HMBOX1: variants seen among roughly 807,000 people sequenced by gnomAD.
HMBOX1 encodes homeobox-containing protein 1.
A neutral mutation model predicts 54.5 loss-of-function variants in HMBOX1; 14 were observed. The observed-to-expected ratio is 0.26, with a 90% confidence interval of 0.17 to 0.40. HMBOX1 has a LOEUF of 0.40. Among genes scored for constraint, HMBOX1 ranks in the 10% least tolerant of loss-of-function variants. The probability of loss-of-function intolerance (pLI) is 1.00; values close to 1 mark genes in which losing one functional copy is unlikely to be tolerated. For synonymous variants in HMBOX1, 160 were observed against 181.0 expected (o/e 0.88, Z 0.93); for missense variants, 332 against 514.4 (o/e 0.65, Z 3.43).
At chr8:29,019,229 C>CT (rs1219647993) in intron 6 of HMBOX1, among the ~76,000 whole-genome samples, 3 of 152,154 alleles carry the variant, frequency 2.0e-5, no homozygotes, top group African/African-American at 7.2e-5. Context: ...TTGAAGTCTT[C>CT]TTTTCATCAA....
At chr8:29,046,767 G>A (rs775748973) in intron 7 of HMBOX1, among the ~76,000 whole-genome samples, 6 of 152,192 alleles carry the variant, frequency 3.9e-5, no homozygotes, top group Non-Finnish European at 7.3e-5. Flanking sequence ...GATCGCCTGA[G>A]CCCAGGAGTT....
chr8:29,005,571 C>T (rs144954316), intron 4 of HMBOX1, among the ~76,000 whole-genome samples: 21 of 152,004 alleles, frequency 1.4e-4, no homozygotes, highest in East Asian at 7.7e-4. Flanking sequence ...ATTTTTGGGG[C>T]GACTTTTTAA....
At chr8:28,990,950 G>A (rs1377178116) in intron 4 of HMBOX1, among the ~76,000 whole-genome samples, 2 of 152,012 alleles carry the variant, frequency 1.3e-5, no homozygotes, top group African/African-American at 4.8e-5. Flanking sequence ...TGCTGTGCCC[G>A]GCTCTTTCTA....
intron 1 of HMBOX1, among the ~76,000 whole-genome samples, chr8:28,950,151 C>T (rs1456848662): frequency 2.0e-5 from 3 of 152,150 alleles, no homozygotes; most frequent in Non-Finnish European, 2.9e-5. Flanking sequence ...CTATTTTACC[C>T]AGGAGATATG....
At chr8:29,046,785 A>G (rs189448447) in intron 7 of HMBOX1, among the ~76,000 whole-genome samples, 1 of 152,104 alleles carries the variant, frequency 6.6e-6, no homozygotes, top group African/African-American at 2.4e-5. Context: ...GTTGGAGGCT[A>G]CCCTGGGCAA....
chr8:28,926,971 A>G (rs1055550098), intron 1 of HMBOX1, among the ~76,000 whole-genome samples: 2 of 152,222 alleles, frequency 1.3e-5, no homozygotes, highest in African/African-American at 4.8e-5. Context: ...TTGGATGATT[A>G]CCAGAGGCTG....
intron 4 of HMBOX1, among the ~76,000 whole-genome samples, chr8:28,985,802 TAAAC>T (rs997825930): frequency 6.6e-6 from 1 of 151,962 alleles, no homozygotes; most frequent in Non-Finnish European, 1.5e-5. Flanking sequence ...TAAGAAAAAA[TAAAC>T]AACAACAACC....
chr8:28,993,708 A>G (rs1003666366), intron 4 of HMBOX1, among the ~76,000 whole-genome samples: 7 of 152,226 alleles, frequency 4.6e-5, no homozygotes, highest in African/African-American at 1.4e-4. Context: ...CACAGACTCA[A>G]CAATAATCTG....
intron 6 of HMBOX1, among the ~76,000 whole-genome samples, chr8:29,034,250 C>T (rs1803471239): frequency 6.6e-6 from 1 of 152,242 alleles, no homozygotes; most frequent in Admixed American, 6.5e-5. Context: ...TTAGAGTATA[C>T]TTTGAAAACC....
intron 8 of HMBOX1, 22 bp downstream of exon 8, chr8:29,047,475 T>G: frequency 7.9e-7 from 1 of 1,259,102 alleles, no homozygotes; most frequent in South Asian, 1.2e-5. Context: ...GTGAGGCTGC[T>G]TTTCTCTTGT....
chr8:28,957,497 A>G (rs918848299), intron 1 of HMBOX1, among the ~76,000 whole-genome samples: 6 of 152,204 alleles, frequency 3.9e-5, no homozygotes, highest in African/African-American at 1.4e-4. Flanking sequence ...GTTGTACCCC[A>G]AATCTCAGCA....
chr8:28,976,709 C>CTTTTTTTTTTTTTTTTTTTTTTT (rs749880362), intron 3 of HMBOX1, among the ~76,000 whole-genome samples: 1 of 135,808 alleles, frequency 7.4e-6, no homozygotes, highest in African/African-American at 2.7e-5. Context: ...TCTTTTTTTT[C>CTTTTTTTTTTTTTTTTTTTTTTT]TTTTTTTTTT....
intron 6 of HMBOX1, among the ~76,000 whole-genome samples, chr8:29,028,681 G>T (rs1802443912): frequency 6.6e-6 from 1 of 152,150 alleles, no homozygotes. Context: ...ACCCTGACCT[G>T]CAAAGAACAT....
chr8:28,999,118 T>G (rs1046092518), intron 4 of HMBOX1, among the ~76,000 whole-genome samples: 3 of 152,192 alleles, frequency 2.0e-5, no homozygotes, highest in Admixed American at 6.5e-5. Flanking sequence ...CTGCTTAATG[T>G]CCTTTCCTTT....
chr8:28,963,742 A>G, intron 1 of HMBOX1, 69 bp from the exon 2 acceptor site: 2 of 646,060 alleles, frequency 3.1e-6, no homozygotes, highest in Non-Finnish European at 2.6e-6. Flanking sequence ...CATCAGTTAC[A>G]TAATTAAAAT....
intron 1 of HMBOX1, among the ~76,000 whole-genome samples, chr8:28,948,244 A>AT (rs35633492): frequency 2.0e-5 from 3 of 152,090 alleles, no homozygotes; most frequent in South Asian, 4.2e-4. Flanking sequence ...CTGAAAATAC[A>AT]TTTTTTTACC....
intron 2 of HMBOX1, among the ~76,000 whole-genome samples, chr8:28,966,724 T>G (rs1340884717): frequency 1.3e-5 from 2 of 152,228 alleles, no homozygotes; most frequent in African/African-American, 4.8e-5. Flanking sequence ...TAAAATATTG[T>G]ATCTTCAGTG....
At chr8:29,038,684 C>G (rs1804322346) in intron 6 of HMBOX1, among the ~76,000 whole-genome samples, 1 of 152,158 alleles carries the variant, frequency 6.6e-6, no homozygotes, top group African/African-American at 2.4e-5. Flanking sequence ...CTCACCTTTC[C>G]TTTCTATGTC....
intron 2 of HMBOX1, among the ~76,000 whole-genome samples, chr8:28,966,126 A>T (rs1826394889): frequency 6.6e-6 from 1 of 152,148 alleles, no homozygotes; most frequent in Non-Finnish European, 1.5e-5. Context: ...GAATGCTTTA[A>T]TCTTCTTTGC....
Sources: allele counts gnomAD v4.1 joint callset (sites outside exome capture counted in the v4.1 genomes callset), GRCh38; gene constraint gnomAD v4.1.1; transcripts MANE v1.5; gene names NCBI Gene and HGNC (gene_info 2026-07-23, HGNC 2026-07-21).